SLC22A24: variants seen among roughly 807,000 people sequenced by gnomAD.
The protein encoded by SLC22A24 is steroid transmembrane transporter SLC22A24.
Under a neutral mutation model 49.8 loss-of-function variants are expected in SLC22A24, and 53 were observed. The observed-to-expected ratio is 1.06, with a 90% CI of 0.85 to 1.34. The LOEUF is 1.34. Ranked by LOEUF, SLC22A24 falls within the 40% of genes most tolerant of loss-of-function variation. The pLI is 0.00. For synonymous variants in SLC22A24, 302 were observed against 256.4 expected, an observed-to-expected ratio of 1.18 and a Z score of -1.70; for missense variants, 786 against 675.9, an observed-to-expected ratio of 1.16 and a Z score of -1.81.
At chr11:63,093,608 T>C (rs1305593044) in intron 6 of SLC22A24, among the ~76,000 whole-genome samples, 1 of 152,056 alleles carries the variant, frequency 6.6e-6, no homozygotes, top group Non-Finnish European at 1.5e-5. Flanking sequence ...AACAAAATCC[T>C]GCATATTTTT....
At position 63,134,854 on chromosome 11, in the gene SLC22A24, T is replaced by C. The variant is rs1407021965; in HGVS notation, c.403-86A>G. On this transcript the variant is annotated intron_variant, in intron 1 of 9. Transcript: ENST00000612278. The stretch of plus-strand genomic sequence containing the variant: ...ACTGACTCCAAACTCCTACATATGG[T>C]GTACACAATCCTCTGCTAGGCAGGT... 2.4e-5 allele frequency: 21 copies of C among 887,012 alleles called. No individual in the cohort carries two copies. The Admixed American group carries it at 4.5e-4, about 19-fold the overall frequency. 54.9% of individuals were successfully genotyped at this position (887,012 alleles called of 1,614,324 possible). A position where few individuals can be genotyped will look rare whatever the true frequency, so the allele number is the denominator to read the frequency against.
At chr11:63,125,316 C>A (rs1340595439) in intron 2 of SLC22A24, among the ~76,000 whole-genome samples, 1 of 152,096 alleles carries the variant, frequency 6.6e-6, no homozygotes, top group Non-Finnish European at 1.5e-5. Context: ...TAGCCCTGCA[C>A]TCCACGACAG....
At chr11:63,084,799 C>T (rs1345188441) in intron 6 of SLC22A24, among the ~76,000 whole-genome samples, 3 of 152,156 alleles carry the variant, frequency 2.0e-5, no homozygotes, top group Non-Finnish European at 4.4e-5. Context: ...CCCTTCTTAC[C>T]ATATCAACCA....
chr11:63,113,392 C>T lies in SLC22A24; in HGVS notation c.830+5520G>A, dbSNP rs888960383. On this transcript the variant is annotated intron_variant, in intron 4 of 9. Transcript: ENST00000612278. ...AGCATGTTTTTGCAGTGGCTGGTAC[C>T]GTTTGTTTCTTTCCATGTTTAGTGC... 1.3e-4 allele frequency among the ~76,000 whole-genome samples: 19 copies of T among 151,500 alleles called. No homozygotes were observed. The East Asian group carries it at 2.3e-3, about 19-fold the overall frequency.
At chr11:63,123,110 A>T (rs2087263681) in intron 2 of SLC22A24, among the ~76,000 whole-genome samples, 1 of 152,152 alleles carries the variant, frequency 6.6e-6, no homozygotes, top group Non-Finnish European at 1.5e-5. Context: ...AGAATGAAAA[A>T]GTTGTGTCAG....
Position 63,080,921 on chromosome 11 carries a change from C to T in SLC22A24, c.1597G>A (p.Asp533Asn). Residue 533 changes from aspartate (D) to asparagine (N), a missense_variant and splice_region_variant, in exon 9 of 10, where the codon GAC (aspartate) becomes AAC (asparagine). By Grantham distance (23) the Asp-to-Asn change is conservative. Coordinates refer to ENST00000612278, the MANE Select transcript of SLC22A24 (RefSeq NM_001136506.2). ...GTGACAGCTAGAGGGTTTACTCACT[C>T]ATTTTCCACATCCTGGATGGTGTTA... Reference protein sequence around the residue: ...LPNTIQDVENDRKDSRNIKQE... With the variant: ...LPNTIQDVENNRKDSRNIKQE... The T allele has an allele frequency of 6.4e-7, 1 of 1,551,070 alleles. No individual in the cohort carries two copies. The highest frequency in any genetic ancestry group is 8.7e-7 in the Non-Finnish European group (1 of 1,146,870).
intron 6 of SLC22A24, among the ~76,000 whole-genome samples, chr11:63,091,962 G>A (rs1055139530): frequency 1.3e-5 from 2 of 152,272 alleles, no homozygotes; most frequent in East Asian, 3.9e-4. Flanking sequence ...AAGTCAAATT[G>A]TCTCTGTTTG....
intron 4 of SLC22A24, among the ~76,000 whole-genome samples, chr11:63,113,189 CACATATATATATACAT>C (rs2087185643): frequency 1.3e-4 from 1 of 7,844 alleles, no homozygotes; most frequent in Non-Finnish European, 3.6e-4. Context: ...TATATATATA[CACATATATATATACAT>C]ATATATACAC....
intron 2 of SLC22A24, among the ~76,000 whole-genome samples, chr11:63,123,314 A>G (rs1438160024): frequency 2.6e-5 from 4 of 152,228 alleles, no homozygotes; most frequent in Non-Finnish European, 5.9e-5. Context: ...TGCCAATGCC[A>G]GTCACAGTGA....
At chr11:63,123,652 T>C (rs970755842) in intron 2 of SLC22A24, among the ~76,000 whole-genome samples, 1 of 152,218 alleles carries the variant, frequency 6.6e-6, no homozygotes, top group Non-Finnish European at 1.5e-5. Context: ...TATAGTGGCA[T>C]CAGAATTTAC....
chr11:63,090,967 A>G (rs201233714), intron 6 of SLC22A24, among the ~76,000 whole-genome samples: 2 of 152,080 alleles, frequency 1.3e-5, no homozygotes, highest in East Asian at 3.8e-4. Context: ...GACATGAAAA[A>G]CCCTTCAAAT....
At chr11:63,102,117 A>G (rs1334410910) in intron 5 of SLC22A24, among the ~76,000 whole-genome samples, 3 of 152,160 alleles carry the variant, frequency 2.0e-5, no homozygotes, top group Non-Finnish European at 4.4e-5. Context: ...ACATGAAGAA[A>G]GGATAACTGC....
At chr11:63,125,941 C>T (rs963876768) in intron 2 of SLC22A24, among the ~76,000 whole-genome samples, 7 of 152,154 alleles carry the variant, frequency 4.6e-5, no homozygotes, top group African/African-American at 1.2e-4. Context: ...TGTTGGTTGG[C>T]TGCATAAATG....
At chr11:63,119,428 A>G in intron 2 of SLC22A24, 93 bp from the exon 3 acceptor site, 5 of 1,229,304 alleles carry the variant, frequency 4.1e-6, no homozygotes, top group African/African-American at 1.5e-5. Flanking sequence ...ATTAGGATAA[A>G]TGTTTAACAA....
intron 5 of SLC22A24, among the ~76,000 whole-genome samples, chr11:63,097,414 G>A (rs1590732696): frequency 6.6e-6 from 1 of 152,242 alleles, no homozygotes. Flanking sequence ...TCATTAAAAA[G>A]TCAGGAAACA....
chr11:63,081,543 C>T lies in SLC22A24; in HGVS notation c.1394+15G>A, dbSNP rs1228778963. ...AATTTGTGTTTTGAAACCAGATGGT[C>T]TTTAGCTCTTGTACCTCAATATGGT... On this transcript the variant is annotated intron_variant, in intron 8 of 9. Coordinates refer to ENST00000612278, the MANE Select transcript of SLC22A24 (RefSeq NM_001136506.2). 1 of 1,526,456 alleles carries T rather than the reference C, an allele frequency of 6.6e-7. No homozygotes were observed. Among genetic ancestry groups the T allele is most frequent in the East Asian group, 2.5e-5 (1 of 40,812 alleles). 94.6% of individuals were successfully genotyped at this position (1,526,456 alleles called of 1,614,324 possible). A position where few individuals can be genotyped will look rare whatever the true frequency, so the allele number is the denominator to read the frequency against.
chr11:63,143,949 C>A lies in SLC22A24; in HGVS notation c.-170G>T. Reference sequence around the variant, plus strand: ...GTGGTGTGACACTACTGCAGAAGAGCAGTGGAAGGACTTTCCCCAAGTCCT... The same window carrying A: ...GTGGTGTGACACTACTGCAGAAGAGAAGTGGAAGGACTTTCCCCAAGTCCT... On this transcript the variant is annotated 5_prime_UTR_variant, in exon 1 of 10. Coordinates refer to ENST00000612278, the MANE Select transcript of SLC22A24 (RefSeq NM_001136506.2). 2 of 455,148 alleles carry A rather than the reference C, an allele frequency of 4.4e-6. No individual in the cohort carries two copies. Among genetic ancestry groups the A allele is most frequent in the Non-Finnish European group, 7.2e-6 (2 of 278,670 alleles). The allele number at this position is 455,148 out of a possible 1,614,324, so 28.2% of individuals were successfully genotyped here. A position where few individuals can be genotyped will look rare whatever the true frequency, so the allele number is the denominator to read the frequency against.
intron 6 of SLC22A24, among the ~76,000 whole-genome samples, chr11:63,088,210 G>T (rs538167800): frequency 6.6e-6 from 1 of 152,342 alleles, no homozygotes; most frequent in Non-Finnish European, 1.5e-5. Context: ...CCTCTGGGAT[G>T]AAGCTTCCAG....
intron 5 of SLC22A24, among the ~76,000 whole-genome samples, chr11:63,100,249 A>G (rs560689642): frequency 1.3e-5 from 2 of 152,298 alleles, no homozygotes; most frequent in African/African-American, 4.8e-5. Flanking sequence ...CAACATAAAA[A>G]ATAAGTGGCA....
Sources: gnomAD v4.1 joint callset for allele counts (sites outside exome capture counted in the v4.1 genomes callset) on GRCh38, gnomAD v4.1.1 for gene constraint, MANE v1.5 for transcripts, NCBI Gene and HGNC (gene_info 2026-07-23, HGNC 2026-07-21) for gene names.